CSMD3: variants seen among roughly 807,000 people sequenced by gnomAD.
CSMD3 encodes the protein CUB and sushi domain-containing protein 3.
CSMD3 carries 177 observed loss-of-function variants against 435.2 expected under a neutral mutation model. The ratio of observed to expected loss-of-function variants is 0.41; its 90% CI spans 0.36 to 0.46. The LOEUF (loss-of-function observed/expected upper bound fraction) is 0.46, where lower values mean the gene tolerates loss of function less well. CSMD3 is among the 20% of genes least tolerant of loss of function. CSMD3 has a pLI of 0.34. For missense variants in CSMD3, 4,265 were observed against 4,504.6 expected (o/e 0.95, Z 1.52); for synonymous variants, 1,656 against 1,520.5 (o/e 1.09, Z -2.07).
At chr8:112,489,245 C>A (rs1820443686) in intron 31 of CSMD3, among the ~76,000 whole-genome samples, 1 of 151,958 alleles carries the variant, frequency 6.6e-6, no homozygotes, top group South Asian at 2.1e-4. Context: ...TAGTGAGACA[C>A]TGTCTCTGCA....
In CSMD3 at chr8:112,235,846, G is replaced by A. The variant is rs115774346; in HGVS notation, c.10627+1344C>T. ...TTATATGGAGACAGTAAGTGAAAGC[G>A]AATTAATCTAATTCTTTGTCTTTCC... On this transcript the variant is annotated intron_variant, in intron 67 of 70. Coordinates refer to ENST00000297405, the MANE Select transcript of CSMD3 (RefSeq NM_198123.2). Among the ~76,000 whole-genome samples, 990 of 152,052 alleles carry A rather than the reference G, an allele frequency of 6.5e-3. 9 individuals are homozygous for A. Among genetic ancestry groups the A allele is most frequent in the African/African-American group, 0.022 (926 of 41,538 alleles).
intron 13 of CSMD3, among the ~76,000 whole-genome samples, chr8:112,789,317 A>G (rs1279561481): frequency 6.6e-6 from 1 of 152,106 alleles, no homozygotes; most frequent in African/African-American, 2.4e-5. Context: ...CACAATAAAT[A>G]TATCAATATC....
intron 1 of CSMD3, among the ~76,000 whole-genome samples, chr8:113,417,155 A>G (rs972289837): frequency 6.6e-6 from 1 of 152,084 alleles, no homozygotes; most frequent in Non-Finnish European, 1.5e-5. Context: ...ATGTCGCACT[A>G]TAACTAGTCC....
At chr8:112,641,561 G>A (rs368627591) in intron 20 of CSMD3, among the ~76,000 whole-genome samples, 51 of 152,212 alleles carry the variant, frequency 3.4e-4, no homozygotes, top group African/African-American at 1.2e-3. Flanking sequence ...GACAATCCAG[G>A]TCTGGTGGCT....
At chr8:112,740,635 T>C (rs185978447) in intron 13 of CSMD3, among the ~76,000 whole-genome samples, 81 of 152,010 alleles carry the variant, frequency 5.3e-4, no homozygotes, top group African/African-American at 1.9e-3. Context: ...TTGAGATCAG[T>C]AGAGCAGGCC....
intron 22 of CSMD3, among the ~76,000 whole-genome samples, chr8:112,618,747 G>C (rs185639206): frequency 2.3e-3 from 350 of 152,100 alleles, no homozygotes; most frequent in African/African-American, 8.0e-3. Context: ...CTGGCTATAG[G>C]CTTTATCAGT....
intron 32 of CSMD3, among the ~76,000 whole-genome samples, chr8:112,459,369 G>C (rs1298507205): frequency 8.2e-6 from 1 of 121,902 alleles, no homozygotes; most frequent in African/African-American, 2.8e-5. Flanking sequence ...GGGGGGGGGG[G>C]GTTTATTCAA....
At chr8:113,087,080 G>C (rs545943975) in intron 5 of CSMD3, among the ~76,000 whole-genome samples, 2 of 152,092 alleles carry the variant, frequency 1.3e-5, no homozygotes, top group African/African-American at 4.8e-5. Context: ...TTTTTTAAGA[G>C]TCATTTTCCA....
intron 6 of CSMD3, among the ~76,000 whole-genome samples, chr8:112,997,570 AG>A (rs2085699960): frequency 1.3e-5 from 2 of 151,656 alleles, no homozygotes; most frequent in Non-Finnish European, 3.0e-5. Context: ...GAATAAATAA[AG>A]GTGAGAATTT....
At chr8:112,906,279 A>G (rs1587636715) in intron 10 of CSMD3, among the ~76,000 whole-genome samples, 3 of 151,516 alleles carry the variant, frequency 2.0e-5, no homozygotes, top group East Asian at 2.0e-4. Flanking sequence ...TGAAGTATTC[A>G]TGGGAGTTCA....
At chr8:112,948,869 T>C (rs551279505) in intron 8 of CSMD3, among the ~76,000 whole-genome samples, 1 of 152,114 alleles carries the variant, frequency 6.6e-6, no homozygotes, top group African/African-American at 2.4e-5. Flanking sequence ...TCTAATGCAA[T>C]AAATCTATGG....
intron 1 of CSMD3, among the ~76,000 whole-genome samples, chr8:113,429,194 T>G (rs924829311): frequency 6.6e-6 from 1 of 151,672 alleles, no homozygotes; most frequent in Admixed American, 6.6e-5. Flanking sequence ...CATTAATATT[T>G]ATAAAATGTA....
At chr8:113,384,003 C>T (rs574823851) in intron 1 of CSMD3, among the ~76,000 whole-genome samples, 8 of 152,212 alleles carry the variant, frequency 5.3e-5, no homozygotes, top group Admixed American at 1.3e-4. Context: ...TTATTTCTTA[C>T]GGACTTTAGA....
At chr8:113,194,577 T>A (rs559592602) in intron 3 of CSMD3, among the ~76,000 whole-genome samples, 24 of 151,398 alleles carry the variant, frequency 1.6e-4, no homozygotes, top group Non-Finnish European at 3.4e-4. Context: ...CAATATAAAT[T>A]TATTGATAGT....
intron 22 of CSMD3, among the ~76,000 whole-genome samples, chr8:112,607,159 T>A: frequency 6.6e-6 from 1 of 151,304 alleles, no homozygotes; most frequent in East Asian, 1.9e-4. Flanking sequence ...AAAGAGAGTC[T>A]CAAATAAATA....
chr8:112,638,974 T>C, intron 20 of CSMD3, 63 bp from the exon 21 acceptor site: 1 of 1,108,034 alleles, frequency 9.0e-7, no homozygotes, highest in South Asian at 1.3e-5. Context: ...AGAGTTACTG[T>C]CAAACTAACT....
chr8:113,342,181 C>T (rs979864385), intron 1 of CSMD3, among the ~76,000 whole-genome samples: 6 of 151,976 alleles, frequency 3.9e-5, no homozygotes, highest in African/African-American at 1.4e-4. Flanking sequence ...TAAACTGTGT[C>T]GGAAAGCCTA....
At chr8:112,248,671 A>G (rs778730408) in intron 63 of CSMD3, among the ~76,000 whole-genome samples, 10 of 152,168 alleles carry the variant, frequency 6.6e-5, no homozygotes, top group Admixed American at 1.3e-4. Context: ...TAAGCTTAAG[A>G]TGATATAATT....
intron 5 of CSMD3, among the ~76,000 whole-genome samples, chr8:113,068,222 C>T (rs2088947703): frequency 6.6e-6 from 1 of 151,864 alleles, no homozygotes; most frequent in Non-Finnish European, 1.5e-5. Context: ...TGTGAATTCT[C>T]GATGACAAAC....
Sources: gnomAD v4.1 joint callset for allele counts (sites outside exome capture counted in the v4.1 genomes callset) on GRCh38, gnomAD v4.1.1 for gene constraint, MANE v1.5 for transcripts, NCBI Gene and HGNC (gene_info 2026-07-23, HGNC 2026-07-21) for gene names.